TMEM117: variants seen among roughly 807,000 people sequenced by gnomAD.
TMEM117 encodes transmembrane protein 117.
In TMEM117, 27 loss-of-function variants were observed where a neutral mutation model predicts 52.4. The observed-to-expected ratio is 0.51, with a 90% CI of 0.38 to 0.71. TMEM117 has a LOEUF of 0.71. Among genes scored for constraint, TMEM117 ranks in the 30% least tolerant of loss-of-function variants. The pLI, the probability that TMEM117 is intolerant of heterozygous loss-of-function variation, is 0.00. For synonymous variants in TMEM117, 215 were observed against 206.3 expected (o/e 1.04, Z -0.36); for missense variants, 556 against 630.5 (o/e 0.88, Z 1.26).
chr12:44,062,618 T>C (rs972985194), intron 3 of TMEM117, among the ~76,000 whole-genome samples: 3 of 152,196 alleles, frequency 2.0e-5, no homozygotes, highest in African/African-American at 7.2e-5. Context: ...ACTTTTTTGA[T>C]TAAAGTTCCC....
chr12:44,016,377 TC>T (rs956050532), intron 3 of TMEM117, among the ~76,000 whole-genome samples: 37 of 152,164 alleles, frequency 2.4e-4, no homozygotes, highest in Admixed American at 1.3e-4. Context: ...TCAGTTCACC[TC>T]CCAGGTGGAA....
At chr12:44,217,939 C>G (rs540532896) in intron 5 of TMEM117, among the ~76,000 whole-genome samples, 1 of 151,966 alleles carries the variant, frequency 6.6e-6, no homozygotes, top group Non-Finnish European at 1.5e-5. Flanking sequence ...ACTAGCAAAC[C>G]AGGCTGGGGT....
At chr12:44,021,535 A>C (rs1946456105) in intron 3 of TMEM117, among the ~76,000 whole-genome samples, 1 of 152,192 alleles carries the variant, frequency 6.6e-6, no homozygotes, top group South Asian at 2.1e-4. Context: ...AGCTAGAACC[A>C]AACTCAAATT....
intron 6 of TMEM117, among the ~76,000 whole-genome samples, chr12:44,338,626 G>A (rs192592079): frequency 8.6e-5 from 13 of 151,476 alleles, no homozygotes; most frequent in Non-Finnish European, 1.5e-4. Context: ...AATGAGAAGC[G>A]TAAACATCCA....
At chr12:44,263,675 C>T (rs1950346209) in intron 5 of TMEM117, 1 of 152,124 alleles carries the variant, frequency 6.6e-6, no homozygotes, top group Admixed American at 6.5e-5. Flanking sequence ...ATTTTCATCA[C>T]CTTTAAAGCA....
chr12:44,265,956 T>G (rs1950372809), intron 5 of TMEM117, among the ~76,000 whole-genome samples: 1 of 152,220 alleles, frequency 6.6e-6, no homozygotes, highest in African/African-American at 2.4e-5. Flanking sequence ...CAAGTAATAT[T>G]CCATTGTATG....
intron 6 of TMEM117, among the ~76,000 whole-genome samples, chr12:44,310,045 T>G (rs1288627810): frequency 6.6e-6 from 1 of 152,186 alleles, no homozygotes. Flanking sequence ...GCATGACAGT[T>G]TTTTCCTTCC....
At chr12:43,895,609 C>A (rs1271185409) in intron 2 of TMEM117, among the ~76,000 whole-genome samples, 1 of 152,158 alleles carries the variant, frequency 6.6e-6, no homozygotes, top group Non-Finnish European at 1.5e-5. Context: ...TTATTTAATT[C>A]ACATATCAAA....
chr12:43,859,127 C>T (rs1037046878), intron 2 of TMEM117, among the ~76,000 whole-genome samples: 2 of 152,150 alleles, frequency 1.3e-5, no homozygotes, highest in African/African-American at 2.4e-5. Flanking sequence ...CCAACAAAGG[C>T]GATTATCCCC....
intron 6 of TMEM117, among the ~76,000 whole-genome samples, chr12:44,345,258 A>ATTGAGGGTAT (rs574977240): frequency 9.6e-4 from 146 of 152,102 alleles, no homozygotes; most frequent in African/African-American, 3.3e-3. Context: ...TGGCGGGAAT[A>ATTGAGGGTAT]TTGAGGGTAT....
At chr12:44,350,978 C>A (rs550201459) in intron 6 of TMEM117, among the ~76,000 whole-genome samples, 1 of 152,174 alleles carries the variant, frequency 6.6e-6, no homozygotes, top group African/African-American at 2.4e-5. Context: ...TACATTCCCA[C>A]CAACAGTGTA....
intron 6 of TMEM117, among the ~76,000 whole-genome samples, chr12:44,303,249 A>G (rs1229167824): frequency 1.3e-5 from 2 of 151,350 alleles, no homozygotes; most frequent in African/African-American, 2.4e-5. Context: ...GGGTTTCTCT[A>G]TGTTGGTCAG....
intron 6 of TMEM117, among the ~76,000 whole-genome samples, chr12:44,341,356 T>TAAGGA (rs1192828574): frequency 6.6e-6 from 1 of 152,022 alleles, no homozygotes; most frequent in Non-Finnish European, 1.5e-5. Context: ...CTCTTATGGG[T>TAAGGA]AAGGATCTGT....
intron 5 of TMEM117, among the ~76,000 whole-genome samples, chr12:44,280,462 G>A (rs1950564128): frequency 1.3e-5 from 2 of 152,026 alleles, no homozygotes; most frequent in African/African-American, 2.4e-5. Flanking sequence ...TTTCTACTGT[G>A]GAAATTTACT....
intron 3 of TMEM117, among the ~76,000 whole-genome samples, chr12:44,115,247 G>C (rs1188925021): frequency 1.3e-5 from 2 of 152,118 alleles, no homozygotes; most frequent in African/African-American, 2.4e-5. Context: ...TCATAGGTGG[G>C]AATTGAACAA....
intron 4 of TMEM117, among the ~76,000 whole-genome samples, chr12:44,203,705 AC>A (rs1949527728): frequency 6.6e-6 from 1 of 152,172 alleles, no homozygotes; most frequent in South Asian, 2.1e-4. Flanking sequence ...TTCACTCTGT[AC>A]CCAAATGTCA....
chr12:44,285,652 T>C (rs1291794953), intron 5 of TMEM117, among the ~76,000 whole-genome samples: 2 of 152,244 alleles, frequency 1.3e-5, no homozygotes, highest in African/African-American at 4.8e-5. Context: ...GGCTTCAGGG[T>C]TCAGTAAACC....
intron 2 of TMEM117, among the ~76,000 whole-genome samples, chr12:43,904,439 A>G (rs930201774): frequency 1.4e-4 from 21 of 152,164 alleles, no homozygotes; most frequent in Non-Finnish European, 8.8e-5. Flanking sequence ...AACTTTTAAT[A>G]TCTATTTAAA....
chr12:44,303,369 A>T (rs921599876), intron 6 of TMEM117, among the ~76,000 whole-genome samples: 2 of 152,088 alleles, frequency 1.3e-5, no homozygotes, highest in Non-Finnish European at 2.9e-5. Context: ...TTTTTTTTTA[A>T]AAGAAACCAT....
Sources: allele counts gnomAD v4.1 joint callset (sites outside exome capture counted in the v4.1 genomes callset), GRCh38; gene constraint gnomAD v4.1.1; transcripts MANE v1.5; gene names NCBI Gene and HGNC (gene_info 2026-07-23, HGNC 2026-07-21).